The following SLC39A11 variants were observed in gnomAD, a reference collection of about 807,000 sequenced individuals.
SLC39A11 encodes zinc transporter ZIP11.
SLC39A11 carries 33 observed loss-of-function variants against 36.1 expected under a neutral mutation model. The observed-to-expected ratio is 0.91, with a 90% CI of 0.69 to 1.22. The LOEUF (loss-of-function observed/expected upper bound fraction) is 1.22, where lower values mean the gene tolerates loss of function less well. SLC39A11 is among the 50% of genes most tolerant of loss of function. The pLI, the probability that SLC39A11 is intolerant of heterozygous loss-of-function variation, is 0.00. For missense variants in SLC39A11, 432 were observed against 430.3 expected (o/e 1.00, Z -0.03); for synonymous variants, 166 against 170.3 (o/e 0.97, Z 0.20).
chr17:72,771,107 A>G (rs1263344130), intron 6 of SLC39A11, among the ~76,000 whole-genome samples: 2 of 151,308 alleles, frequency 1.3e-5, no homozygotes, highest in Non-Finnish European at 2.9e-5. Context: ...AATCCTGGCC[A>G]GGTGCAGCGG....
At chr17:72,892,478 T>C (rs550562586) in intron 5 of SLC39A11, among the ~76,000 whole-genome samples, 4 of 151,966 alleles carry the variant, frequency 2.6e-5, no homozygotes, top group African/African-American at 9.6e-5. Context: ...AATCTCCTCT[T>C]GAGAGTCTTA....
At chr17:72,711,128 A>T (rs971589571) in intron 7 of SLC39A11, among the ~76,000 whole-genome samples, 1 of 152,086 alleles carries the variant, frequency 6.6e-6, no homozygotes, top group African/African-American at 2.4e-5. Flanking sequence ...CCTAATTCTT[A>T]TGCAATCCTC....
chr17:73,023,541 G>A (rs777214708), intron 4 of SLC39A11, among the ~76,000 whole-genome samples: 27 of 152,294 alleles, frequency 1.8e-4, no homozygotes, highest in Non-Finnish European at 2.9e-4. Flanking sequence ...CCAGGCTGGA[G>A]TGCAGTGGTG....
chr17:72,853,753 CA>C (rs1211654802), intron 5 of SLC39A11, among the ~76,000 whole-genome samples: 2 of 152,088 alleles, frequency 1.3e-5, no homozygotes, highest in Non-Finnish European at 1.5e-5. Context: ...AAGATTAGTC[CA>C]AATAAATCAT....
chr17:72,713,752 T>A (rs968558496), intron 7 of SLC39A11, among the ~76,000 whole-genome samples: 1 of 152,166 alleles, frequency 6.6e-6, no homozygotes, highest in Admixed American at 6.5e-5. Context: ...TGTTCTTCCA[T>A]CACCTCCCTG....
At chr17:73,077,000 A>G (rs565609120) in intron 3 of SLC39A11, among the ~76,000 whole-genome samples, 15 of 151,866 alleles carry the variant, frequency 9.9e-5, no homozygotes, top group African/African-American at 2.9e-4. Context: ...CTAGATACCC[A>G]CGTGGCAAAT....
At chr17:72,849,865 T>G in intron 5 of SLC39A11, 61 bp from the exon 6 acceptor site, 3 of 1,417,526 alleles carry the variant, frequency 2.1e-6, no homozygotes, top group Non-Finnish European at 1.9e-6. Flanking sequence ...ATGTGCACGT[T>G]AACTCTCCAG....
chr17:72,879,275 A>G (rs1005872229), intron 5 of SLC39A11, among the ~76,000 whole-genome samples: 11 of 152,262 alleles, frequency 7.2e-5, no homozygotes, highest in East Asian at 1.9e-4. Context: ...CAACCTTCTA[A>G]TCATGCCCTG....
At chr17:72,863,934 A>C (rs1214991412) in intron 5 of SLC39A11, among the ~76,000 whole-genome samples, 1 of 152,218 alleles carries the variant, frequency 6.6e-6, no homozygotes, top group African/African-American at 2.4e-5. Flanking sequence ...CTCTGCCACC[A>C]AAACAGAAAA....
At chr17:72,890,250 G>C (rs2146705472) in intron 5 of SLC39A11, among the ~76,000 whole-genome samples, 1 of 150,444 alleles carries the variant, frequency 6.6e-6, no homozygotes, top group African/African-American at 2.4e-5. Context: ...GGGTGACAGA[G>C]TGAGACTCCA....
intron 4 of SLC39A11, among the ~76,000 whole-genome samples, chr17:72,978,317 C>T (rs563021789): frequency 6.6e-6 from 1 of 152,184 alleles, no homozygotes; most frequent in African/African-American, 2.4e-5. Context: ...CTGGTGTTGG[C>T]GACACGGCCA....
At chr17:72,962,324 G>T (rs182195100) in intron 4 of SLC39A11, among the ~76,000 whole-genome samples, 184 of 152,264 alleles carry the variant, frequency 1.2e-3, no homozygotes, top group African/African-American at 4.3e-3. Context: ...GTGCAGCTAG[G>T]TCCTCTGCTC....
intron 4 of SLC39A11, among the ~76,000 whole-genome samples, chr17:72,969,756 T>C (rs180782208): frequency 1.2e-4 from 18 of 152,314 alleles, no homozygotes; most frequent in South Asian, 6.2e-4. Context: ...GGGAAACGGA[T>C]GGCAACACTA....
intron 6 of SLC39A11, among the ~76,000 whole-genome samples, chr17:72,790,319 T>C (rs1263989945): frequency 6.6e-6 from 1 of 152,004 alleles, no homozygotes; most frequent in Non-Finnish European, 1.5e-5. Flanking sequence ...ATACAAACCA[T>C]GTGACCTGGA....
chr17:72,897,553 C>T (rs541458241), intron 5 of SLC39A11, among the ~76,000 whole-genome samples: 10 of 152,160 alleles, frequency 6.6e-5, no homozygotes, highest in South Asian at 6.2e-4. Flanking sequence ...AGAGAGGCAA[C>T]GGGTTTAGGA....
intron 3 of SLC39A11, among the ~76,000 whole-genome samples, chr17:73,071,444 C>T (rs2060159619): frequency 6.6e-6 from 1 of 152,218 alleles, no homozygotes; most frequent in South Asian, 2.1e-4. Context: ...CAGCACAGAG[C>T]TCCTAAATGA....
At chr17:72,996,605 C>CT (rs992602941) in intron 4 of SLC39A11, among the ~76,000 whole-genome samples, 1 of 152,172 alleles carries the variant, frequency 6.6e-6, no homozygotes, top group African/African-American at 2.4e-5. Flanking sequence ...TGGCCATCTC[C>CT]TTTGTGTCTT....
chr17:72,994,899 A>G (rs2089410586), intron 4 of SLC39A11, among the ~76,000 whole-genome samples: 1 of 152,154 alleles, frequency 6.6e-6, no homozygotes, highest in Admixed American at 6.6e-5. Context: ...GGGCTAATTG[A>G]ACATATTACC....
intron 6 of SLC39A11, among the ~76,000 whole-genome samples, chr17:72,808,955 C>A (rs2077348264): frequency 6.6e-6 from 1 of 152,188 alleles, no homozygotes; most frequent in South Asian, 2.1e-4. Flanking sequence ...AATAAACTGT[C>A]TTCTCTTTCC....
Sources: allele counts gnomAD v4.1 joint callset (sites outside exome capture counted in the v4.1 genomes callset), GRCh38; gene constraint gnomAD v4.1.1; transcripts MANE v1.5; gene names NCBI Gene and HGNC (gene_info 2026-07-23, HGNC 2026-07-21).